Variants in GSDMD observed in about 807,000 individuals in gnomAD.
GSDMD encodes the protein gasdermin D, also known as gasdermin-D.
In GSDMD, 46 loss-of-function variants were observed where a neutral mutation model predicts 46.7. The ratio of observed to expected loss-of-function variants is 0.99; its 90% CI spans 0.78 to 1.26. GSDMD has a LOEUF of 1.26. GSDMD is among the 50% of genes most tolerant of loss of function. The pLI is 0.00. For missense variants in GSDMD, 649 were observed against 638.8 expected (o/e 1.02, Z -0.17); for synonymous variants, 307 against 283.1 (o/e 1.08, Z -0.85).
upstream of GSDMD, among the ~76,000 whole-genome samples, chr8:143,557,388 A>AAGGATGC (rs1563902797): frequency 1.5e-5 from 1 of 65,494 alleles, no homozygotes; most frequent in Non-Finnish European, 3.3e-5. Flanking sequence ...GCGAAGGATG[A>AAGGATGC]TGCCGCTGTG....
upstream of GSDMD, chr8:143,554,962 T>C (rs1162313913): frequency 6.6e-6 from 1 of 152,272 alleles, no homozygotes; most frequent in Non-Finnish European, 1.5e-5. Context: ...CAGCCAAAGC[T>C]CTCAGGCCTG....
intron 1 of GSDMD, chr8:143,558,730 C>T (rs1823372165): frequency 3.4e-6 from 2 of 590,202 alleles, no homozygotes; most frequent in Admixed American, 5.5e-5. Flanking sequence ...CTGGGCCCAG[C>T]CTCCACTTTC....
In GSDMD at chr8:143,558,409, C is replaced by T. The variant is rs1271222724; in HGVS notation, c.-47C>T. The T allele has an allele frequency of 2.0e-6, 3 of 1,507,754 alleles. No individual in the cohort carries two copies. Among genetic ancestry groups the T allele is most frequent in the African/African-American group, 1.4e-5 (1 of 69,568 alleles). 93.4% of individuals were successfully genotyped at this position (1,507,754 alleles called of 1,614,324 possible). Reference sequence around the variant, plus strand: ...CTCGCCGGACGGCTCCCAGGGAGAGCAGACGCGCCAGACGCGCCACCCTCG... The same window carrying T: ...CTCGCCGGACGGCTCCCAGGGAGAGTAGACGCGCCAGACGCGCCACCCTCG... On this transcript the variant is annotated 5_prime_UTR_variant, in exon 1 of 11. Transcript: ENST00000262580.
rs573558883 is a variant in GSDMD, at chr8:143,562,762, C to A, written c.1313C>A (p.Ala438Asp). 3.1e-6 allele frequency: 5 copies of A among 1,588,714 alleles called. No individual in the cohort carries two copies. In the South Asian group the frequency reaches 4.5e-5, roughly 14 times the overall value. ...LGNSWGEGAP[A>D]WVLLDECGLE... ...AACAGCTGGGGCGAAGGAGCACCGGCCTGGGTCTTGCTGGACGAGTGTGGC... is the reference window on the plus strand; with the variant it reads ...AACAGCTGGGGCGAAGGAGCACCGGACTGGGTCTTGCTGGACGAGTGTGGC... Residue 438 changes from alanine to aspartate, a missense_variant, in exon 11 of 11, where the codon GCC (alanine) becomes GAC (aspartate). Coordinates refer to ENST00000262580, the MANE Select transcript of GSDMD (RefSeq NM_024736.7).
At chr8:143,561,514 C>A in intron 6 of GSDMD, 91 bp downstream of exon 6, 1 of 1,345,248 alleles carries the variant, frequency 7.4e-7, no homozygotes, top group Non-Finnish European at 1.0e-6. Context: ...TCTCAGGGCA[C>A]AGGGAGGCCG....
intron 3 of GSDMD, chr8:143,560,366 G>T: frequency 1.5e-6 from 1 of 647,514 alleles, no homozygotes; most frequent in East Asian, 2.7e-5. Flanking sequence ...GTGTGAACAC[G>T]GGGGCCCAGG....
intron 1 of GSDMD, 177 bp downstream of exon 1, chr8:143,558,628 G>A: frequency 1.6e-6 from 1 of 643,804 alleles, no homozygotes; most frequent in Non-Finnish European, 2.5e-6. Context: ...GGCCAGCCCA[G>A]GGGCCCGGCC....
chr8:143,559,277 C>CCCTTGCCA, intron 1 of GSDMD, 55 bp from the exon 2 acceptor site: 1 of 606,970 alleles, frequency 1.6e-6, no homozygotes, highest in Non-Finnish European at 3.1e-6. Context: ...ACCCTTCTCC[C>CCCTTGCCA]ACTCCCTCCC....
chr8:143,559,762 C>G lies in GSDMD; in HGVS notation c.218-15C>G. 1 of 1,578,216 alleles carries G rather than the reference C, an allele frequency of 6.3e-7. No homozygotes were observed. Among genetic ancestry groups the G allele is most frequent in the South Asian group, 1.2e-5 (1 of 84,140 alleles). ...CGGGGCGCTGGGCACAGCCTCAGGT[C>G]TGGCCTTGCTTTAGACGTGCAGCGT... On this transcript the variant is annotated splice_polypyrimidine_tract_variant and intron_variant, in intron 2 of 10. Transcript: ENST00000262580.
Position 143,562,677 on chromosome 8 carries a change from G to C in GSDMD, c.1228G>C (p.Glu410Gln), listed in dbSNP as rs781051727. The stretch of plus-strand genomic sequence containing the variant: ...GTCTTGGCAGGTGGGCAGCCTCTTG[G>C]AGCAGAGTGCCCCGTGGCAGGAGCG... ...GPLELVGSLL[E>Q]QSAPWQERST... Residue 410 changes from glutamate (E) to glutamine (Q), a missense_variant, in exon 11 of 11, where the codon GAG becomes CAG. Coordinates refer to ENST00000262580, the MANE Select transcript of GSDMD (RefSeq NM_024736.7). 6.2e-7 allele frequency: 1 copy of C among 1,607,014 alleles called. No homozygotes were observed. Among genetic ancestry groups the C allele is most frequent in the South Asian group, 1.1e-5 (1 of 90,166 alleles).
At chr8:143,560,395 A>C (rs1823423097) in intron 3 of GSDMD, 1 of 633,740 alleles carries the variant, frequency 1.6e-6, no homozygotes, top group Non-Finnish European at 2.8e-6. Flanking sequence ...CCGCACCTCG[A>C]GTCTGGACTT....
Position 143,562,205 on chromosome 8 carries a change from A to C in GSDMD, c.997-4A>C. 6.3e-7 allele frequency: 1 copy of C among 1,581,298 alleles called. No individual in the cohort carries two copies. Among genetic ancestry groups the C allele is most frequent in the Non-Finnish European group, 8.5e-7 (1 of 1,169,864 alleles). ...AGACTCACCTGCCCTTCCCGTGCCCACAGCTGGAGCAGGGCCAGAGCCTTG... is the reference window on the plus strand; with the variant it reads ...AGACTCACCTGCCCTTCCCGTGCCCCCAGCTGGAGCAGGGCCAGAGCCTTG... On this transcript the variant is annotated splice_region_variant and splice_polypyrimidine_tract_variant and intron_variant, in intron 8 of 10. Transcript: ENST00000262580.
intron 1 of GSDMD, 52 bp from the exon 2 acceptor site, chr8:143,559,280 T>TGGCA: frequency 1.7e-6 from 1 of 579,430 alleles, no homozygotes; most frequent in Non-Finnish European, 3.2e-6. Flanking sequence ...CTTCTCCCAC[T>TGGCA]CCCTCCCGCC....
chr8:143,560,937 G>C, intron 4 of GSDMD, 65 bp from the exon 5 acceptor site: 9 of 1,476,882 alleles, frequency 6.1e-6, no homozygotes, highest in African/African-American at 1.4e-5. Context: ...CCCGGCACCC[G>C]GCCCGCACCC....
intron 1 of GSDMD, chr8:143,558,662 C>T: frequency 1.7e-6 from 1 of 585,108 alleles, no homozygotes; most frequent in Non-Finnish European, 3.0e-6. Flanking sequence ...TTGGGCTTGA[C>T]TCCCAGGTCC....
intron 1 of GSDMD, chr8:143,558,903 G>T (rs1297853027): frequency 4.5e-6 from 2 of 448,080 alleles, no homozygotes; most frequent in Non-Finnish European, 8.6e-6. Flanking sequence ...GGCCCTGGAG[G>T]ACGCAGCTGG....
In GSDMD at chr8:143,559,971, T is replaced by G; in HGVS notation, c.410+2T>G. Reference sequence around the variant, plus strand: ...CTGGCAGACTCTGCTCCATGAGAGGTGGGCCCGAAGAGGGCAGGGCAGGGC... The same window carrying G: ...CTGGCAGACTCTGCTCCATGAGAGGGGGGCCCGAAGAGGGCAGGGCAGGGC... On this transcript the variant is annotated splice_donor_variant, in intron 3 of 10. Coordinates refer to ENST00000262580, the MANE Select transcript of GSDMD (RefSeq NM_024736.7). LOFTEE classifies it high-confidence loss of function. The G allele has an allele frequency of 6.4e-7, 1 of 1,573,056 alleles. No homozygotes were observed. Among genetic ancestry groups the G allele is most frequent in the Non-Finnish European group, 8.6e-7 (1 of 1,159,332 alleles).
chr8:143,561,214 G>T, intron 5 of GSDMD, 110 bp downstream of exon 5: 1 of 1,249,558 alleles, frequency 8.0e-7, no homozygotes, highest in South Asian at 1.3e-5. Flanking sequence ...GCTGAACAAC[G>T]TCCTGTGTCT....
intron 3 of GSDMD, 115 bp from the exon 4 acceptor site, chr8:143,560,488 C>T: frequency 8.6e-7 from 1 of 1,162,316 alleles, no homozygotes; most frequent in Non-Finnish European, 1.2e-6. Context: ...CCGGCACCCA[C>T]AGACCTCTGG....
Sources: allele counts gnomAD v4.1 joint callset (sites outside exome capture counted in the v4.1 genomes callset), GRCh38; gene constraint gnomAD v4.1.1; transcripts MANE v1.5; gene names NCBI Gene and HGNC (gene_info 2026-07-23, HGNC 2026-07-21).